The following TLK2 variants were observed in gnomAD, a reference collection of about 807,000 sequenced individuals.
The protein encoded by TLK2 is tousled like kinase 2.
A neutral mutation model predicts 117.3 loss-of-function variants in TLK2; 6 were observed. That is an observed-to-expected ratio of 0.05 (90% CI 0.03 to 0.10). TLK2 has a LOEUF of 0.10. Ranked by LOEUF, TLK2 falls within the 10% of genes least tolerant of loss-of-function variation. TLK2 has a pLI of 1.00. For missense variants in TLK2, 299 were observed against 901.2 expected (o/e 0.33, Z 8.56); for synonymous variants, 257 against 316.7 (o/e 0.81, Z 2.00).
chr17:62,578,308 A>G (rs1019998745), intron 13 of TLK2, among the ~76,000 whole-genome samples, 169 bp from the exon 14 acceptor site: 2 of 152,102 alleles, frequency 1.3e-5, no homozygotes, highest in Non-Finnish European at 2.9e-5. Flanking sequence ...GAATTTTATT[A>G]TTTTCTATGG....
chr17:62,565,089 C>T lies in TLK2; in HGVS notation c.920C>T (p.Ser307Leu). ...GHFTTVRHGASFTEQWTDGYA... is the reference protein window; with the variant it reads ...GHFTTVRHGALFTEQWTDGYA... ...TTTACTACTGTCCGACACGGAGCCT[C>T]ATTTACTGAACAGTGGACAGATGGT... The change falls in exon 11 of 22, where the codon TCA becomes TTA. Residue 307 changes from serine (S) to leucine (L), a missense_variant. Transcript: ENST00000346027. The T allele has an allele frequency of 6.2e-7, 1 of 1,614,122 alleles. No homozygotes were observed. Among genetic ancestry groups the T allele is most frequent in the Non-Finnish European group, 8.5e-7 (1 of 1,180,012 alleles).
chr17:62,496,971 A>G (rs1385705536), intron 2 of TLK2, among the ~76,000 whole-genome samples: 8 of 151,626 alleles, frequency 5.3e-5, no homozygotes, highest in Admixed American at 2.0e-4. Flanking sequence ...AAAAAAAAAA[A>G]AAAAAAGTTC....
intron 8 of TLK2, among the ~76,000 whole-genome samples, 164 bp downstream of exon 8, chr17:62,552,561 C>G (rs2078550910): frequency 6.6e-6 from 1 of 151,912 alleles, no homozygotes; most frequent in Non-Finnish European, 1.5e-5. Context: ...ATTTAAAGTC[C>G]TTTGGAAGGT....
At chr17:62,608,586 A>G (rs1055921867) in intron 21 of TLK2, among the ~76,000 whole-genome samples, 1 of 152,220 alleles carries the variant, frequency 6.6e-6, no homozygotes, top group Non-Finnish European at 1.5e-5. Flanking sequence ...TAATAAAGAT[A>G]TACCCAAGAC....
At chr17:62,553,878 A>G (rs1280812505) in intron 9 of TLK2, 123 bp downstream of exon 9, 44 of 654,282 alleles carry the variant, frequency 6.7e-5, no homozygotes, top group Non-Finnish European at 1.6e-5. Context: ...ACATTTGGGT[A>G]TTTTTCTTTA....
upstream of TLK2, among the ~76,000 whole-genome samples, chr17:62,477,118 CAG>C (rs1347081248): frequency 1.3e-5 from 2 of 152,028 alleles, no homozygotes; most frequent in East Asian, 3.9e-4. Flanking sequence ...TTTAAAAAGA[CAG>C]TGTCATTTGA....
At chr17:62,514,209 T>G (rs1483323643) in intron 2 of TLK2, among the ~76,000 whole-genome samples, 7 of 151,858 alleles carry the variant, frequency 4.6e-5, no homozygotes, top group Admixed American at 4.6e-4. Flanking sequence ...AGTGGTGCGA[T>G]CTCAGCTTAT....
chr17:62,564,582 C>G (rs1329352736), intron 10 of TLK2, among the ~76,000 whole-genome samples: 1 of 150,646 alleles, frequency 6.6e-6, no homozygotes, highest in Non-Finnish European at 1.5e-5. Flanking sequence ...GTGGCATGCA[C>G]CTGTAGTCCC....
intron 2 of TLK2, among the ~76,000 whole-genome samples, chr17:62,494,271 T>A (rs976596282): frequency 6.6e-6 from 1 of 152,098 alleles, no homozygotes; most frequent in Non-Finnish European, 1.5e-5. Flanking sequence ...TTAGTAGATA[T>A]GGGGTTTCAC....
intron 7 of TLK2, chr17:62,549,771 C>G (rs1446149008): frequency 6.6e-6 from 1 of 151,746 alleles, no homozygotes; most frequent in Non-Finnish European, 1.5e-5. Context: ...GCCCCAGCCT[C>G]CTGAGTAGCT....
chr17:62,542,008 A>G (rs188203222), intron 7 of TLK2, among the ~76,000 whole-genome samples: 122 of 152,358 alleles, frequency 8.0e-4, no homozygotes, highest in Middle Eastern at 3.4e-3. Flanking sequence ...TGGCATTACA[A>G]CATACATAAA....
intron 2 of TLK2, among the ~76,000 whole-genome samples, chr17:62,500,365 A>G (rs2074087813): frequency 6.6e-6 from 1 of 152,240 alleles, no homozygotes; most frequent in Non-Finnish European, 1.5e-5. Context: ...AGGAGACCTC[A>G]GAACAAGAAA....
At chr17:62,548,900 A>T (rs1463435049) in intron 7 of TLK2, among the ~76,000 whole-genome samples, 3 of 147,444 alleles carry the variant, frequency 2.0e-5, no homozygotes, top group African/African-American at 7.5e-5. Flanking sequence ...CCACGCCCAG[A>T]TTATTTTTTT....
chr17:62,506,230 A>G (rs2074677994), intron 2 of TLK2, among the ~76,000 whole-genome samples: 1 of 152,156 alleles, frequency 6.6e-6, no homozygotes, highest in Non-Finnish European at 1.5e-5. Context: ...AGCTCTCCCA[A>G]CTGTCTTCTC....
intron 18 of TLK2, 21 bp from the exon 19 acceptor site, chr17:62,602,021 A>T: frequency 6.2e-7 from 1 of 1,603,990 alleles, no homozygotes; most frequent in Non-Finnish European, 8.5e-7. Context: ...CTGCTTATTC[A>T]TGAAGGTTTT....
chr17:62,486,629 C>G (rs1028173655), intron 2 of TLK2, among the ~76,000 whole-genome samples: 1 of 152,162 alleles, frequency 6.6e-6, no homozygotes, highest in African/African-American at 2.4e-5. Context: ...CTCAGCAGTT[C>G]TGGAGACCAT....
intron 2 of TLK2, among the ~76,000 whole-genome samples, chr17:62,484,422 G>A (rs941881016): frequency 2.0e-5 from 3 of 151,758 alleles, no homozygotes; most frequent in African/African-American, 2.4e-5. Flanking sequence ...TCAGCCTCCC[G>A]AGTAGCTGGG....
chr17:62,544,408 T>C (rs764853320), intron 7 of TLK2, among the ~76,000 whole-genome samples: 19 of 152,242 alleles, frequency 1.2e-4, no homozygotes, highest in Middle Eastern at 3.4e-3. Context: ...CCATGCACTT[T>C]TAAACCATCA....
At chr17:62,593,008 A>T (rs1052990394) in intron 16 of TLK2, among the ~76,000 whole-genome samples, 2 of 152,200 alleles carry the variant, frequency 1.3e-5, no homozygotes, top group African/African-American at 4.8e-5. Flanking sequence ...TCAGGCGGTC[A>T]TGCGAGCTAT....
Sources: gnomAD v4.1 joint callset for allele counts (sites outside exome capture counted in the v4.1 genomes callset) on GRCh38, gnomAD v4.1.1 for gene constraint, MANE v1.5 for transcripts, NCBI Gene and HGNC (gene_info 2026-07-23, HGNC 2026-07-21) for gene names.